Variants in SYNPR observed in about 807,000 individuals in gnomAD.
SYNPR encodes synaptoporin.
SYNPR carries 23 observed loss-of-function variants against 32.9 expected under a neutral mutation model. That is an observed-to-expected ratio of 0.70 (90% confidence interval 0.50 to 0.99). SYNPR has a LOEUF of 0.99. Ranked by LOEUF, SYNPR falls within the 50% of genes least tolerant of loss-of-function variation. The probability of loss-of-function intolerance (pLI) is 0.00; values close to 1 mark genes in which losing one functional copy is unlikely to be tolerated. For synonymous variants in SYNPR, 146 were observed against 135.9 expected, an observed-to-expected ratio of 1.07 and a Z score of -0.52; for missense variants, 318 against 349.3, an observed-to-expected ratio of 0.91 and a Z score of 0.71.
At chr3:63,576,891 G>A (rs1272579469) in intron 4 of SYNPR, among the ~76,000 whole-genome samples, 1 of 152,024 alleles carries the variant, frequency 6.6e-6, no homozygotes, top group Non-Finnish European at 1.5e-5. Flanking sequence ...CCAGGACAAA[G>A]GTGGACCTCA....
At chr3:63,414,850 C>T (rs1210305348) in intron 2 of SYNPR, among the ~76,000 whole-genome samples, 1 of 152,124 alleles carries the variant, frequency 6.6e-6, no homozygotes, top group African/African-American at 2.4e-5. Context: ...TCCTTATATA[C>T]ATATGTATAT....
intron 3 of SYNPR, among the ~76,000 whole-genome samples, chr3:63,506,912 C>G (rs545354060): frequency 2.0e-5 from 3 of 152,080 alleles, no homozygotes; most frequent in Non-Finnish European, 4.4e-5. Flanking sequence ...ACTGCAGACT[C>G]AAACACCAAT....
intron 2 of SYNPR, among the ~76,000 whole-genome samples, chr3:63,388,990 A>G (rs957786009): frequency 1.3e-5 from 2 of 152,218 alleles, no homozygotes; most frequent in African/African-American, 4.8e-5. Context: ...TGGACTCTGC[A>G]TAAGGAGATT....
rs573679047 is a variant in SYNPR, at chr3:63,476,214, G to A, written c.85-4618G>A. On this transcript the variant is annotated intron_variant, in intron 2 of 5. Coordinates refer to ENST00000478300, the MANE Select transcript of SYNPR (RefSeq NM_001130003.2). ...GAGGGAAGCAAGGGAAGGAAGGAAG[G>A]AGGGAAGGGAAGGGAAGGAAGGAAG... 1.3e-3 allele frequency among the ~76,000 whole-genome samples: 112 copies of A among 85,938 alleles called. 2 individuals are homozygous for A. Among genetic ancestry groups the A allele is most frequent in the Non-Finnish European group, 2.2e-3 (92 of 41,874 alleles). 56.4% of individuals were successfully genotyped at this position (85,938 alleles called of 152,430 possible). A position where few individuals can be genotyped will look rare whatever the true frequency, so the allele number is the denominator to read the frequency against.
intron 3 of SYNPR, among the ~76,000 whole-genome samples, chr3:63,499,458 G>C (rs1224346219): frequency 6.6e-6 from 1 of 152,158 alleles, no homozygotes; most frequent in Admixed American, 6.5e-5. Context: ...AAGCTAGAGA[G>C]AGTAGGAACA....
At chr3:63,515,476 T>C (rs1701778950) in intron 3 of SYNPR, among the ~76,000 whole-genome samples, 1 of 152,134 alleles carries the variant, frequency 6.6e-6, no homozygotes, top group Non-Finnish European at 1.5e-5. Flanking sequence ...GCTACTTCTC[T>C]CTTATTCTTT....
chr3:63,542,895 G>A (rs541945862), intron 3 of SYNPR, among the ~76,000 whole-genome samples: 1 of 152,082 alleles, frequency 6.6e-6, no homozygotes, highest in Non-Finnish European at 1.5e-5. Flanking sequence ...TAAGTAAAAT[G>A]AGGTAATTTG....
intron 2 of SYNPR, among the ~76,000 whole-genome samples, chr3:63,394,707 T>C (rs1200401409): frequency 6.6e-6 from 1 of 152,168 alleles, no homozygotes; most frequent in East Asian, 1.9e-4. Flanking sequence ...GATATAACCA[T>C]ACAAAGCTAA....
intron 2 of SYNPR, among the ~76,000 whole-genome samples, chr3:63,358,712 A>T (rs2087617678): frequency 6.6e-6 from 1 of 152,152 alleles, no homozygotes. Flanking sequence ...ATTAACACAT[A>T]CTATGTTCTA....
chr3:63,466,935 A>G (rs1383816777), intron 2 of SYNPR, among the ~76,000 whole-genome samples: 1 of 152,164 alleles, frequency 6.6e-6, no homozygotes, highest in African/African-American at 2.4e-5. Context: ...TCAGTCCAAA[A>G]CAAGTTGCAA....
chr3:63,259,334 GAC>G (rs2086417100), intron 2 of SYNPR, among the ~76,000 whole-genome samples: 4 of 152,058 alleles, frequency 2.6e-5, no homozygotes, highest in African/African-American at 9.7e-5. Flanking sequence ...ATAAAATACT[GAC>G]ACACCGAATC....
At chr3:63,238,423 C>A (rs945082613) in intron 1 of SYNPR, among the ~76,000 whole-genome samples, 1 of 151,944 alleles carries the variant, frequency 6.6e-6, no homozygotes, top group African/African-American at 2.4e-5. Flanking sequence ...TTCTTTTCTC[C>A]TCAGCATTTC....
At chr3:63,358,588 T>G (rs6764201) in intron 2 of SYNPR, among the ~76,000 whole-genome samples, 82,206 of 151,822 alleles carry the variant, frequency 0.54, 23,297 homozygotes, top group East Asian at 0.75. Flanking sequence ...ATGAACATCT[T>G]TAGGGAGCTA....
At chr3:63,559,953 C>T (rs1702658315) in intron 4 of SYNPR, among the ~76,000 whole-genome samples, 1 of 152,068 alleles carries the variant, frequency 6.6e-6, no homozygotes, top group Non-Finnish European at 1.5e-5. Flanking sequence ...ACAGCTAATC[C>T]ACACATAAAG....
intron 3 of SYNPR, among the ~76,000 whole-genome samples, chr3:63,553,716 T>TTGTTTG (rs1384689233): frequency 1.3e-5 from 2 of 152,164 alleles, no homozygotes; most frequent in African/African-American, 4.8e-5. Flanking sequence ...TATGTCTTTT[T>TTGTTTG]TGTTTGTTTG....
At chr3:63,360,882 C>T (rs2087650157) in intron 2 of SYNPR, among the ~76,000 whole-genome samples, 2 of 152,146 alleles carry the variant, frequency 1.3e-5, no homozygotes, top group South Asian at 4.1e-4. Flanking sequence ...TATCCAAGAT[C>T]ACCCATGATG....
intron 2 of SYNPR, among the ~76,000 whole-genome samples, chr3:63,290,946 G>A (rs190645057): frequency 1.3e-5 from 2 of 152,268 alleles, no homozygotes; most frequent in Non-Finnish European, 1.5e-5. Flanking sequence ...GGATCTTTCC[G>A]GTTGAGACTT....
At chr3:63,560,808 G>A (rs1241572550) in intron 4 of SYNPR, among the ~76,000 whole-genome samples, 1 of 152,016 alleles carries the variant, frequency 6.6e-6, no homozygotes, top group African/African-American at 2.4e-5. Context: ...AGCAGGGGGG[G>A]AACCACCCCC....
intron 2 of SYNPR, among the ~76,000 whole-genome samples, chr3:63,436,827 G>A (rs1346263211): frequency 1.3e-5 from 2 of 152,098 alleles, no homozygotes; most frequent in African/African-American, 2.4e-5. Context: ...ATATTCCAGC[G>A]GGGGAAGACT....
Sources: gnomAD v4.1 joint callset for allele counts (sites outside exome capture counted in the v4.1 genomes callset) on GRCh38, gnomAD v4.1.1 for gene constraint, MANE v1.5 for transcripts, NCBI Gene and HGNC (gene_info 2026-07-23, HGNC 2026-07-21) for gene names.